The following AFG3L2 variants were observed in gnomAD, a reference collection of about 807,000 sequenced individuals.
AFG3L2 encodes the protein AFG3 like matrix AAA peptidase subunit 2.
A neutral mutation model predicts 94.5 loss-of-function variants in AFG3L2; 54 were observed. The ratio of observed to expected loss-of-function variants is 0.57; its 90% CI spans 0.46 to 0.72. AFG3L2 has a LOEUF of 0.72. Ranked by LOEUF, AFG3L2 falls within the 30% of genes least tolerant of loss-of-function variation. AFG3L2 has a pLI of 0.00. For synonymous variants in AFG3L2, 377 were observed against 365.5 expected (o/e 1.03, Z -0.36); for missense variants, 754 against 994.9 (o/e 0.76, Z 3.26).
At chr18:12,357,930 A>G (rs1322945478) in intron 8 of AFG3L2, among the ~76,000 whole-genome samples, 1 of 152,166 alleles carries the variant, frequency 6.6e-6, no homozygotes, top group Admixed American at 6.5e-5. Context: ...TTGTAGAGAC[A>G]GTTAGGTGTA....
chr18:12,359,504 G>A (rs1455301629), intron 7 of AFG3L2, among the ~76,000 whole-genome samples: 3 of 152,108 alleles, frequency 2.0e-5, no homozygotes, highest in Middle Eastern at 3.4e-3. Context: ...TTTGGGAGGC[G>A]GAGGCAGGTG....
At chr18:12,359,654 G>GC in intron 7 of AFG3L2, among the ~76,000 whole-genome samples, 1 of 152,034 alleles carries the variant, frequency 6.6e-6, no homozygotes, top group East Asian at 1.9e-4. Flanking sequence ...CAGGAGAATC[G>GC]CGTGAACTGG....
At position 12,351,144 on chromosome 18, in the gene AFG3L2, C is replaced by T. The variant is rs1209681314; in HGVS notation, c.1493G>A (p.Ser498Asn). 3 of 1,613,962 alleles carry T rather than the reference C, an allele frequency of 1.9e-6. No individual in the cohort carries two copies. The highest frequency in any genetic ancestry group is 2.5e-6 in the Non-Finnish European group (3 of 1,180,036). ...TGCCAATTTATCCTTCTCCAGGGTA[C>T]TGTCCAGTTTTAGCGGTCGGAGATG... The part of the protein sequence containing the change: ...KVHLRPLKLD[S>N]TLEKDKLARK... The change falls in exon 12 of 17, where the codon AGT (serine) becomes AAT (asparagine). Residue 498 changes from serine to asparagine, a missense_variant. Ser to Asn is a conservative substitution (Grantham distance 46, BLOSUM62 1). Transcript: ENST00000269143.
chr18:12,333,133 T>A (rs1241380416), intron 16 of AFG3L2, among the ~76,000 whole-genome samples: 1 of 87,524 alleles, frequency 1.1e-5, no homozygotes, highest in African/African-American at 4.9e-5. Flanking sequence ...ATTATATATA[T>A]AATATATATA....
intron 16 of AFG3L2, among the ~76,000 whole-genome samples, chr18:12,333,299 T>TAG (rs1450350018): frequency 7.6e-5 from 10 of 130,792 alleles, no homozygotes; most frequent in African/African-American, 2.9e-4. Flanking sequence ...TATATAAATA[T>TAG]ATATTATATA....
intron 9 of AFG3L2, among the ~76,000 whole-genome samples, chr18:12,356,012 T>C (rs1343813987): frequency 2.6e-5 from 4 of 151,828 alleles, no homozygotes; most frequent in Non-Finnish European, 2.9e-5. Context: ...GTAAAACTGA[T>C]TGTGGTGATG....
chr18:12,375,645 A>G (rs992104666), intron 1 of AFG3L2, among the ~76,000 whole-genome samples: 1 of 152,132 alleles, frequency 6.6e-6, no homozygotes, highest in African/African-American at 2.4e-5. Flanking sequence ...GCCCAGGTTC[A>G]CGCCATTCCC....
At chr18:12,330,523 A>G (rs1907488582) in intron 16 of AFG3L2, among the ~76,000 whole-genome samples, 1 of 152,080 alleles carries the variant, frequency 6.6e-6, no homozygotes, top group Non-Finnish European at 1.5e-5. Flanking sequence ...CACACCTGTA[A>G]TCCCAGCACT....
Position 12,359,736 on chromosome 18 carries a change from C to T in AFG3L2, c.752+191G>A, listed in dbSNP as rs116875947. 9.6e-3 allele frequency among the ~76,000 whole-genome samples: 1,459 copies of T among 151,412 alleles called. 14 individuals are homozygous for T. The highest frequency in any genetic ancestry group is 0.017 in the Non-Finnish European group (1,121 of 67,846). The stretch of plus-strand genomic sequence containing the variant: ...CAGCCTGGGCGACAGAGCGAAACCC[C>T]ACCTCAAAAAAAAAAGAAAATGAAT... On this transcript the variant is annotated intron_variant, in intron 7 of 16. Coordinates refer to ENST00000269143, the MANE Select transcript of AFG3L2 (RefSeq NM_006796.3).
At position 12,348,995 on chromosome 18, in the gene AFG3L2, G is replaced by A. The variant is rs114154953; in HGVS notation, c.1553-612C>T. Among the ~76,000 whole-genome samples the A allele has an allele frequency of 9.9e-3, 1,512 of 152,222 alleles. 25 individuals are homozygous for A. The highest frequency in any genetic ancestry group is 0.034 in the African/African-American group (1,422 of 41,558). Reference sequence around the variant, plus strand: ...AGTCCAAAGACAAGTAAAAAGTTAGGATCCCTGGAACAAGATGATCATCTT... The same window carrying A: ...AGTCCAAAGACAAGTAAAAAGTTAGAATCCCTGGAACAAGATGATCATCTT... On this transcript the variant is annotated intron_variant, in intron 12 of 16. Coordinates refer to ENST00000269143, the MANE Select transcript of AFG3L2 (RefSeq NM_006796.3).
chr18:12,371,721 G>A, intron 1 of AFG3L2, 30 bp from the exon 2 acceptor site: 1 of 1,580,120 alleles, frequency 6.3e-7, no homozygotes, highest in Non-Finnish European at 8.7e-7. Context: ...TAAAACCATA[G>A]TTATATCAAG....
intron 15 of AFG3L2, among the ~76,000 whole-genome samples, chr18:12,338,917 C>T (rs1568134498): frequency 1.3e-5 from 2 of 152,006 alleles, no homozygotes; most frequent in Non-Finnish European, 1.5e-5. Flanking sequence ...ATATCAAAGC[C>T]ACCACGCCCA....
chr18:12,362,795 G>C (rs758148481), intron 6 of AFG3L2, among the ~76,000 whole-genome samples: 2 of 143,914 alleles, frequency 1.4e-5, no homozygotes, highest in African/African-American at 3.0e-5. Context: ...CGTCCTTGCA[G>C]AGACATCCCA....
chr18:12,353,701 A>T (rs1053808073), intron 9 of AFG3L2, among the ~76,000 whole-genome samples: 1 of 152,158 alleles, frequency 6.6e-6, no homozygotes, highest in Non-Finnish European at 1.5e-5. Flanking sequence ...AGATCCCATA[A>T]ATTACTGTAT....
intron 9 of AFG3L2, among the ~76,000 whole-genome samples, chr18:12,353,584 T>C (rs1908393151): frequency 6.6e-6 from 1 of 152,034 alleles, no homozygotes; most frequent in Non-Finnish European, 1.5e-5. Context: ...ACAATCTTTT[T>C]GTGATACACA....
Position 12,353,051 on chromosome 18 carries a change from C to G in AFG3L2, c.1272G>C (p.Gln424His), listed in dbSNP as rs772516038. The change falls in exon 10 of 17, where the codon CAG becomes CAC. Residue 424 changes from glutamine to histidine, a missense_variant. Gln to His is a conservative substitution (Grantham distance 24). Coordinates refer to ENST00000269143, the MANE Select transcript of AFG3L2 (RefSeq NM_006796.3). ...GGTTGAGTGTGTTCTCCTGCTCACT[C>G]TGCCCTCCAAAGTTGCCTCTTCCTC... Reference protein sequence around the residue: ...RKRGRGNFGGQSEQENTLNQL... With the variant: ...RKRGRGNFGGHSEQENTLNQL... The G allele has an allele frequency of 5.6e-6, 9 of 1,614,150 alleles. No homozygotes were observed. The highest frequency in any genetic ancestry group is 6.8e-6 in the Non-Finnish European group (8 of 1,180,022).
At chr18:12,353,514 C>CAAAAAAAAAAAAAAAAAAAAAAAAAAA (rs71172076) in intron 9 of AFG3L2, among the ~76,000 whole-genome samples, 1 of 81,064 alleles carries the variant, frequency 1.2e-5, no homozygotes, top group Non-Finnish European at 2.4e-5. Context: ...AATTCTGTCT[C>CAAAAAAAAAAAAAAAAAAAAAAAAAAA]AAAAAAAAAA....
intron 16 of AFG3L2, among the ~76,000 whole-genome samples, chr18:12,332,588 A>T (rs1164176051): frequency 6.6e-6 from 1 of 151,844 alleles, no homozygotes; most frequent in Admixed American, 6.6e-5. Flanking sequence ...ACCACTATCA[A>T]CAGTGATCAA....
At chr18:12,358,398 T>C (rs549223983) in intron 8 of AFG3L2, among the ~76,000 whole-genome samples, 7 of 152,218 alleles carry the variant, frequency 4.6e-5, no homozygotes, top group African/African-American at 1.7e-4. Flanking sequence ...ATAGGGCATC[T>C]AAATCAGATT....
Sources: allele counts gnomAD v4.1 joint callset (sites outside exome capture counted in the v4.1 genomes callset), GRCh38; gene constraint gnomAD v4.1.1; transcripts MANE v1.5; gene names NCBI Gene and HGNC (gene_info 2026-07-23, HGNC 2026-07-21).